Variants in THSD4 observed in about 807,000 individuals in gnomAD.
THSD4 encodes the protein thrombospondin type-1 domain-containing protein 4.
Under a neutral mutation model 119.0 loss-of-function variants are expected in THSD4, and 69 were observed. The ratio of observed to expected loss-of-function variants is 0.58; its 90% confidence interval spans 0.48 to 0.71. The LOEUF (loss-of-function observed/expected upper bound fraction) is 0.71, where lower values mean the gene tolerates loss of function less well. Ranked by LOEUF, THSD4 falls within the 30% of genes least tolerant of loss-of-function variation. The probability of loss-of-function intolerance (pLI) is 0.00; values close to 1 mark genes in which losing one functional copy is unlikely to be tolerated. For synonymous variants in THSD4, 524 were observed against 540.4 expected, an observed-to-expected ratio of 0.97 and a Z score of 0.42; for missense variants, 1,393 against 1,391.1, an observed-to-expected ratio of 1.00 and a Z score of -0.02.
intron 6 of THSD4, among the ~76,000 whole-genome samples, chr15:71,369,110 G>A (rs1034188687): frequency 3.3e-5 from 5 of 152,160 alleles, no homozygotes; most frequent in Non-Finnish European, 5.9e-5. Flanking sequence ...AAGAATGCTT[G>A]TGATTTTTGC....
chr15:71,706,288 G>T (rs1034586071), intron 8 of THSD4, among the ~76,000 whole-genome samples: 4 of 152,126 alleles, frequency 2.6e-5, no homozygotes, highest in African/African-American at 9.7e-5. Flanking sequence ...AGAGCCAGGG[G>T]AACCCAGAGG....
chr15:71,216,455 A>G (rs2043933489), intron 4 of THSD4, among the ~76,000 whole-genome samples: 1 of 152,232 alleles, frequency 6.6e-6, no homozygotes, highest in African/African-American at 2.4e-5. Context: ...CTGAAGGTGG[A>G]AAGGAGATGC....
At position 71,653,935 on chromosome 15, in the gene THSD4, C is replaced by CTGCCCATCTCCCTCTT. The variant is rs6145624; in HGVS notation, c.1153-6595_1153-6594insTGCCCATCTCCCTCTT. Among the ~76,000 whole-genome samples, 11 of 152,104 alleles carry CTGCCCATCTCCCTCTT rather than the reference C, an allele frequency of 7.2e-5. No individual in the cohort carries two copies. In the East Asian group the frequency reaches 7.7e-4, roughly 11 times the overall value. ...GCCTTGGTTTTGGCTGCACAGGACT[C>CTGCCCATCTCCCTCTT]GACATTTACAAACAATATTGAAGTG... On this transcript the variant is annotated intron_variant, in intron 7 of 17. Transcript: ENST00000261862.
chr15:71,483,664 G>A (rs1595812597), intron 7 of THSD4, among the ~76,000 whole-genome samples: 1 of 152,166 alleles, frequency 6.6e-6, no homozygotes, highest in South Asian at 2.1e-4. Context: ...GTGTGCCGTG[G>A]TGGTGGTTTG....
intron 6 of THSD4, among the ~76,000 whole-genome samples, chr15:71,345,643 A>C (rs1319902657): frequency 1.3e-5 from 2 of 152,124 alleles, no homozygotes; most frequent in Non-Finnish European, 2.9e-5. Context: ...TCCAGGCCTC[A>C]GCTTTGATGG....
chr15:71,165,614 T>G (rs2043287872), intron 3 of THSD4, among the ~76,000 whole-genome samples: 1 of 152,168 alleles, frequency 6.6e-6, no homozygotes, highest in Non-Finnish European at 1.5e-5. Context: ...TATGTTGACT[T>G]TGGTTCTGGG....
At chr15:71,141,806 C>T (rs2040607620) in intron 2 of THSD4, among the ~76,000 whole-genome samples, 1 of 152,078 alleles carries the variant, frequency 6.6e-6, no homozygotes, top group South Asian at 2.1e-4. Flanking sequence ...CTGTAGGCTT[C>T]AAGAAAATTT....
chr15:71,330,646 C>A (rs1271704613), intron 6 of THSD4, among the ~76,000 whole-genome samples: 2 of 152,038 alleles, frequency 1.3e-5, no homozygotes, highest in East Asian at 3.9e-4. Context: ...ATGCAGTAAA[C>A]CCCTCAATAA....
chr15:71,484,746 C>A (rs960961037), intron 7 of THSD4, among the ~76,000 whole-genome samples: 1 of 152,170 alleles, frequency 6.6e-6, no homozygotes, highest in Non-Finnish European at 1.5e-5. Context: ...CGTGAAGTGA[C>A]CTGTCCGTGG....
chr15:71,329,636 G>A (rs1409340095), intron 6 of THSD4, among the ~76,000 whole-genome samples: 2 of 152,210 alleles, frequency 1.3e-5, no homozygotes, highest in Non-Finnish European at 2.9e-5. Flanking sequence ...CGAGACGCCA[G>A]CTCTGCTCAG....
intron 15 of THSD4, among the ~76,000 whole-genome samples, chr15:71,762,774 A>T (rs1244058217): frequency 1.3e-5 from 2 of 152,202 alleles, no homozygotes; most frequent in African/African-American, 2.4e-5. Flanking sequence ...GGGAAATCTT[A>T]TAGTTTTTTT....
intron 8 of THSD4, among the ~76,000 whole-genome samples, chr15:71,675,119 G>GT (rs1360112669): frequency 6.6e-6 from 1 of 151,870 alleles, no homozygotes; most frequent in Non-Finnish European, 1.5e-5. Flanking sequence ...TCAGTTCTTG[G>GT]TAGTGGGCCC....
intron 7 of THSD4, among the ~76,000 whole-genome samples, chr15:71,466,911 G>A (rs1462201092): frequency 2.0e-5 from 3 of 152,192 alleles, no homozygotes; most frequent in African/African-American, 7.2e-5. Flanking sequence ...AGGGCCTCTG[G>A]CCTCAGCTAA....
chr15:71,595,173 G>T (rs1200267280), intron 7 of THSD4, among the ~76,000 whole-genome samples: 1 of 152,198 alleles, frequency 6.6e-6, no homozygotes, highest in Non-Finnish European at 1.5e-5. Context: ...ATGGGTGATT[G>T]CTGGAAAGGT....
At chr15:71,348,268 A>G (rs1183081225) in intron 6 of THSD4, 1 of 152,174 alleles carries the variant, frequency 6.6e-6, no homozygotes, top group Non-Finnish European at 1.5e-5. Flanking sequence ...CGGAAGAACC[A>G]CTGAAAACTG....
chr15:71,521,363 A>C (rs192923254), intron 7 of THSD4, among the ~76,000 whole-genome samples: 1 of 152,362 alleles, frequency 6.6e-6, no homozygotes, highest in East Asian at 1.9e-4. Context: ...AAATTGTTTA[A>C]ATAAATGAAA....
At chr15:71,378,893 C>A (rs1416210013) in intron 6 of THSD4, among the ~76,000 whole-genome samples, 1 of 152,166 alleles carries the variant, frequency 6.6e-6, no homozygotes, top group Non-Finnish European at 1.5e-5. Flanking sequence ...AAAGGATCCT[C>A]CTGCCTCGGC....
intron 6 of THSD4, among the ~76,000 whole-genome samples, chr15:71,326,701 ATATATATAT>A (rs1179401571): frequency 1.3e-4 from 2 of 15,204 alleles, no homozygotes; most frequent in Admixed American, 1.2e-3. Flanking sequence ...AAAAAAAAAA[ATATATATAT>A]ATATATATAT....
chr15:71,346,041 A>G (rs1313179969), intron 6 of THSD4, among the ~76,000 whole-genome samples: 1 of 152,152 alleles, frequency 6.6e-6, no homozygotes, highest in South Asian at 2.1e-4. Flanking sequence ...TTCAAGTTTC[A>G]CCAGTTGTCC....
Sources: gnomAD v4.1 joint callset for allele counts (sites outside exome capture counted in the v4.1 genomes callset) on GRCh38, gnomAD v4.1.1 for gene constraint, MANE v1.5 for transcripts, NCBI Gene and HGNC (gene_info 2026-07-23, HGNC 2026-07-21) for gene names.